The following DMD variants were observed in gnomAD, a reference collection of about 807,000 sequenced individuals.
DMD encodes mutant dystrophin.
Under a neutral mutation model 330.1 loss-of-function variants are expected in DMD, and 63 were observed. That is an observed-to-expected ratio of 0.19 (90% CI 0.16 to 0.24). DMD has a LOEUF of 0.24. Among genes scored for constraint, DMD ranks in the 10% least tolerant of loss-of-function variants. DMD has a pLI of 1.00. For synonymous variants in DMD, 1,223 were observed against 959.8 expected (o/e 1.27, Z -5.07); for missense variants, 3,344 against 2,684.1 (o/e 1.25, Z -5.43).
intron 2 of DMD, 122 bp from the exon 3 acceptor site, chrX:32,849,942 G>A (rs2080999246): frequency 3.5e-6 from 2 of 575,122 alleles, no homozygotes; most frequent in East Asian, 3.7e-5. Context: ...TAATTAATCT[G>A]CCGAAGATGA....
At chrX:32,327,312 C>A (rs762455523) in intron 41 of DMD, among the ~76,000 whole-genome samples, 15 of 110,617 alleles carry the variant, frequency 1.4e-4, no homozygotes, top group Admixed American at 5.8e-4. Context: ...TATAAGTAAG[C>A]TTTGGATTTC....
At chrX:32,100,377 A>ATATATATATATATG (rs1408969062) in intron 44 of DMD, among the ~76,000 whole-genome samples, 2 of 93,513 alleles carry the variant, frequency 2.1e-5, no homozygotes, top group East Asian at 8.3e-4. Flanking sequence ...TTTCCCAGAT[A>ATATATATATATATG]TATATATATA....
At chrX:32,336,490 T>C (rs2097716214) in intron 41 of DMD, among the ~76,000 whole-genome samples, 1 of 112,087 alleles carries the variant, frequency 8.9e-6, no homozygotes, top group Non-Finnish European at 1.9e-5. Context: ...TACAATATTG[T>C]AACCCTCTTC....
At chrX:31,369,936 A>G (rs894621122) in intron 60 of DMD, among the ~76,000 whole-genome samples, 3 of 110,190 alleles carry the variant, frequency 2.7e-5, no homozygotes, top group Non-Finnish European at 5.7e-5. Flanking sequence ...CGTCTCTACT[A>G]AAAATACAAA....
chrX:32,549,431 A>G (rs1025353997), intron 16 of DMD, among the ~76,000 whole-genome samples: 1 of 111,578 alleles, frequency 9.0e-6, no homozygotes, highest in South Asian at 3.8e-4. Flanking sequence ...TGAAATTCTT[A>G]GGTCTTGAAC....
chrX:31,926,129 A>G (rs915876689), intron 47 of DMD, among the ~76,000 whole-genome samples: 1 of 108,635 alleles, frequency 9.2e-6, no homozygotes, highest in Non-Finnish European at 1.9e-5. Flanking sequence ...ATGATCAGAG[A>G]GAGGAACACA....
At chrX:32,504,672 G>A (rs1305866856) in intron 18 of DMD, among the ~76,000 whole-genome samples, 1 of 111,128 alleles carries the variant, frequency 9.0e-6, no homozygotes, top group Non-Finnish European at 1.9e-5. Flanking sequence ...ATATTTTTGT[G>A]GAACACAGCA....
At chrX:32,748,478 A>G (rs775376279) in intron 7 of DMD, among the ~76,000 whole-genome samples, 1 of 111,982 alleles carries the variant, frequency 8.9e-6, no homozygotes, top group Non-Finnish European at 1.9e-5. Flanking sequence ...TACCATAGCC[A>G]GCTGGGGTAT....
intron 2 of DMD, among the ~76,000 whole-genome samples, chrX:32,988,193 C>T (rs2092895128): frequency 9.0e-6 from 1 of 111,110 alleles, no homozygotes; most frequent in Non-Finnish European, 1.9e-5. Context: ...TATATCTCAG[C>T]GTTAATCACT....
rs191070129 is a variant in DMD at position 31,953,627 on chromosome X, C to T, written c.6614+14712G>A. Among the ~76,000 whole-genome samples the T allele has an allele frequency of 3.4e-3, 383 of 111,635 alleles. 2 individuals carry two copies. Among genetic ancestry groups the T allele is most frequent in the African/African-American group, 9.7e-3 (297 of 30,729 alleles). On this transcript the variant is annotated intron_variant, in intron 45 of 78. Coordinates refer to ENST00000357033, the MANE Select transcript of DMD (RefSeq NM_004006.3). ...TTGGGGAGATTTATCGAGCTACTCA[C>T]TTTATCATCCCCAGAAGTCATGTAC...
chrX:31,695,809 G>A (rs1211851147), intron 52 of DMD, among the ~76,000 whole-genome samples: 1 of 110,675 alleles, frequency 9.0e-6, no homozygotes, highest in Non-Finnish European at 1.9e-5. Flanking sequence ...TTTATCAATG[G>A]GTACAAAGTT....
At chrX:31,739,411 T>A in intron 51 of DMD, among the ~76,000 whole-genome samples, 1 of 112,130 alleles carries the variant, frequency 8.9e-6, no homozygotes, top group Non-Finnish European at 1.9e-5. Flanking sequence ...TTATTAGCTA[T>A]TCAAACTTAA....
chrX:31,661,503 C>T (rs1325288210), intron 53 of DMD, among the ~76,000 whole-genome samples: 1 of 111,674 alleles, frequency 9.0e-6, no homozygotes, highest in Non-Finnish European at 1.9e-5. Context: ...GCTTTGCCTA[C>T]TGCTGTGAAA....
chrX:32,099,849 A>G (rs1472462823), intron 44 of DMD, among the ~76,000 whole-genome samples: 1 of 108,270 alleles, frequency 9.2e-6, no homozygotes, highest in Non-Finnish European at 1.9e-5. Context: ...ATATGTAACT[A>G]ACTTGCACAC....
chrX:33,245,252 T>G (rs1446844567), intron 1 of DMD, among the ~76,000 whole-genome samples: 2 of 102,925 alleles, frequency 1.9e-5, no homozygotes, highest in Non-Finnish European at 4.0e-5. Flanking sequence ...TTAAAGTAAC[T>G]GTTAATGGCT....
At chrX:32,659,170 T>C (rs1282028265) in intron 9 of DMD, among the ~76,000 whole-genome samples, 2 of 112,114 alleles carry the variant, frequency 1.8e-5, no homozygotes, top group Non-Finnish European at 3.8e-5. Context: ...TGACACATCT[T>C]TTCTAACTAG....
chrX:31,812,114 T>C (rs1715295555), intron 50 of DMD, among the ~76,000 whole-genome samples: 1 of 109,787 alleles, frequency 9.1e-6, no homozygotes, highest in Non-Finnish European at 1.9e-5. Context: ...AGTAACCTCA[T>C]GCTTTAACTG....
intron 51 of DMD, among the ~76,000 whole-genome samples, chrX:31,763,562 C>CA (rs2089780528): frequency 9.3e-6 from 1 of 107,246 alleles, no homozygotes; most frequent in African/African-American, 3.4e-5. Context: ...GACTCCATCT[C>CA]AAAAAAACAA....
At chrX:32,079,600 A>C (rs2096376951) in intron 44 of DMD, among the ~76,000 whole-genome samples, 1 of 110,795 alleles carries the variant, frequency 9.0e-6, no homozygotes, top group Non-Finnish European at 1.9e-5. Context: ...GAAAGGCAGA[A>C]AGAAAAAGAA....
Sources: allele counts gnomAD v4.1 joint callset (sites outside exome capture counted in the v4.1 genomes callset), GRCh38; gene constraint gnomAD v4.1.1; transcripts MANE v1.5; gene names NCBI Gene and HGNC (gene_info 2026-07-23, HGNC 2026-07-21).